Variants in TUSC3 observed in about 807,000 individuals in gnomAD.
The protein encoded by TUSC3 is dolichyl-diphosphooligosaccharide--protein glycosyltransferase subunit TUSC3.
A neutral mutation model predicts 44.8 loss-of-function variants in TUSC3; 45 were observed. The observed-to-expected ratio is 1.00, with a 90% CI of 0.79 to 1.29. The LOEUF is 1.29. Ranked by LOEUF, TUSC3 falls within the 50% of genes most tolerant of loss-of-function variation. TUSC3 has a pLI of 0.00. For missense variants in TUSC3, 519 were observed against 437.9 expected (o/e 1.19, Z -1.65); for synonymous variants, 212 against 152.9 (o/e 1.39, Z -2.85).
chr8:15,543,767 C>A (rs1801769220), intron 1 of TUSC3, among the ~76,000 whole-genome samples: 2 of 147,032 alleles, frequency 1.4e-5, no homozygotes, highest in Admixed American at 6.9e-5. Flanking sequence ...AAGAAACTAA[C>A]TTTATAATAA....
intron 1 of TUSC3, among the ~76,000 whole-genome samples, chr8:15,456,887 C>A (rs886470044): frequency 2.0e-5 from 3 of 151,882 alleles, no homozygotes; most frequent in African/African-American, 7.3e-5. Context: ...AAATAAAATA[C>A]CAAAAGCATT....
chr8:15,626,146 AC>A (rs1346283580), intron 2 of TUSC3, among the ~76,000 whole-genome samples: 1 of 151,636 alleles, frequency 6.6e-6, no homozygotes, highest in Non-Finnish European at 1.5e-5. Context: ...TGACTGTGCC[AC>A]CCCCACCCTC....
the TUSC3 span, among the ~76,000 whole-genome samples, chr8:15,837,238 G>A: frequency 6.6e-5 from 10 of 151,786 alleles, no homozygotes; most frequent in East Asian, 5.8e-4. Context: ...AAAAAATCAC[G>A]TAACTTATTA....
rs138449870 is a variant in TUSC3, at chr8:15,651,964, C to T, written c.426+1150C>T. On this transcript the variant is annotated intron_variant, in intron 3 of 10. Transcript: ENST00000503731. ...AGAAATGTTGTTACTGGCTCCATTT[C>T]ATAGGTGAGGAAATAAGGAATGCAG... 4.9e-3 allele frequency among the ~76,000 whole-genome samples: 749 copies of T among 152,224 alleles called. 6 individuals carry two copies. The highest frequency in any genetic ancestry group is 0.017 in the African/African-American group (709 of 41,540).
At chr8:15,533,435 C>T (rs769615470) in intron 2 of TUSC3, among the ~76,000 whole-genome samples, 1 of 152,102 alleles carries the variant, frequency 6.6e-6, no homozygotes, top group Non-Finnish European at 1.5e-5. Context: ...GAGTTCTGTC[C>T]TTTGTCTAAT....
chr8:15,485,474 T>G (rs1800721793), intron 2 of TUSC3, among the ~76,000 whole-genome samples: 1 of 151,152 alleles, frequency 6.6e-6, no homozygotes, highest in Non-Finnish European at 1.5e-5. Flanking sequence ...CTTTTTTTTT[T>G]TGTTTTTTGT....
chr8:15,639,601 AG>A (rs1350352158), intron 2 of TUSC3, among the ~76,000 whole-genome samples: 2 of 152,210 alleles, frequency 1.3e-5, no homozygotes, highest in Non-Finnish European at 2.9e-5. Flanking sequence ...TTATATCTAA[AG>A]CTGCAACTAT....
At chr8:15,637,133 G>A (rs755954525) in intron 2 of TUSC3, among the ~76,000 whole-genome samples, 3 of 151,986 alleles carry the variant, frequency 2.0e-5, no homozygotes, top group African/African-American at 4.8e-5. Flanking sequence ...TTATTATATC[G>A]TAGTTTAAAA....
At chr8:15,840,430 GA>G in the TUSC3 span, among the ~76,000 whole-genome samples, 1 of 152,090 alleles carries the variant, frequency 6.6e-6, no homozygotes, top group African/African-American at 2.4e-5. Context: ...CTCAGGAGCA[GA>G]AGCAAAGAAT....
chr8:15,734,966 C>T (rs904398769), intron 7 of TUSC3, among the ~76,000 whole-genome samples: 2 of 152,124 alleles, frequency 1.3e-5, no homozygotes, highest in African/African-American at 4.8e-5. Flanking sequence ...GTAGTAGATG[C>T]AGTGCAATTA....
At chr8:15,462,351 A>G (rs927015215) in intron 1 of TUSC3, among the ~76,000 whole-genome samples, 4 of 152,132 alleles carry the variant, frequency 2.6e-5, no homozygotes, top group Non-Finnish European at 4.4e-5. Context: ...TGGGCAAAGT[A>G]TCTGAAAAGA....
intron 1 of TUSC3, among the ~76,000 whole-genome samples, chr8:15,430,119 T>C (rs1026099422): frequency 1.3e-5 from 2 of 149,892 alleles, no homozygotes; most frequent in African/African-American, 5.0e-5. Context: ...CCTCCCTAAT[T>C]CATTTTATGA....
At chr8:15,619,024 G>A (rs1295125994) in intron 1 of TUSC3, among the ~76,000 whole-genome samples, 13 of 152,072 alleles carry the variant, frequency 8.5e-5, no homozygotes, top group Admixed American at 8.5e-4. Context: ...GTCACAAGTC[G>A]GAACACTTCC....
chr8:15,619,376 T>C (rs771369547), intron 1 of TUSC3, among the ~76,000 whole-genome samples: 2 of 152,242 alleles, frequency 1.3e-5, no homozygotes, highest in Non-Finnish European at 2.9e-5. Context: ...TTTTCTCATT[T>C]ATAATTGCTC....
Position 15,743,644 on chromosome 8 carries a change from C to T in TUSC3, c.937+32C>T, listed in dbSNP as rs762231968. 17 of 1,610,026 alleles carry T rather than the reference C, an allele frequency of 1.1e-5. 1 individual carries two copies. The highest frequency in any genetic ancestry group is 6.6e-5 in the South Asian group (6 of 90,994). On this transcript the variant is annotated intron_variant, in intron 8 of 10. Coordinates refer to ENST00000503731, the MANE Select transcript of TUSC3 (RefSeq NM_006765.4). ...CTCTGTGTTGCCATTTTTGTAATTTCGTTTTAGTCTTAAGATTCATTTAAG... is the reference window on the plus strand; with the variant it reads ...CTCTGTGTTGCCATTTTTGTAATTTTGTTTTAGTCTTAAGATTCATTTAAG...
chr8:15,480,858 C>T (rs542853966), intron 1 of TUSC3, among the ~76,000 whole-genome samples: 91 of 152,226 alleles, frequency 6.0e-4, no homozygotes, highest in East Asian at 5.8e-4. Context: ...CTTCAATATA[C>T]GAATTTTGAG....
chr8:15,440,993 T>A (rs1203576631), intron 1 of TUSC3, among the ~76,000 whole-genome samples: 2 of 152,250 alleles, frequency 1.3e-5, no homozygotes, highest in Admixed American at 6.5e-5. Context: ...AGGCAAGTAC[T>A]ATTTCTGGAA....
At chr8:15,735,846 C>T (rs1810906991) in intron 7 of TUSC3, among the ~76,000 whole-genome samples, 1 of 151,780 alleles carries the variant, frequency 6.6e-6, no homozygotes, top group Non-Finnish European at 1.5e-5. Context: ...ACTACAGGTG[C>T]ACGCTGCCAC....
At chr8:15,451,472 T>G (rs1800196528) in intron 1 of TUSC3, among the ~76,000 whole-genome samples, 1 of 152,066 alleles carries the variant, frequency 6.6e-6, no homozygotes, top group African/African-American at 2.4e-5. Flanking sequence ...TAATGAAGCC[T>G]CCATAAAAAG....
Sources: allele counts gnomAD v4.1 joint callset (sites outside exome capture counted in the v4.1 genomes callset), GRCh38; gene constraint gnomAD v4.1.1; transcripts MANE v1.5; gene names NCBI Gene and HGNC (gene_info 2026-07-23, HGNC 2026-07-21).